The following DIDO1 variants were observed in gnomAD, a reference collection of about 807,000 sequenced individuals.
DIDO1 encodes death inducer-obliterator 1, also known as death-inducer obliterator 1.
In DIDO1, 16 loss-of-function variants were observed where a neutral mutation model predicts 99.4. The observed-to-expected ratio is 0.16, with a 90% confidence interval of 0.11 to 0.24. The LOEUF (loss-of-function observed/expected upper bound fraction) is 0.24, where lower values mean the gene tolerates loss of function less well. Among genes scored for constraint, DIDO1 ranks in the 10% least tolerant of loss-of-function variants. The pLI, the probability that DIDO1 is intolerant of heterozygous loss-of-function variation, is 1.00. For missense variants in DIDO1, 2,996 were observed against 3,014.0 expected (o/e 0.99, Z 0.14); for synonymous variants, 1,366 against 1,239.1 (o/e 1.10, Z -2.15).
At position 62,881,735 on chromosome 20, in the gene DIDO1, G is replaced by A. The variant is rs201393387; in HGVS notation, c.4221C>T (p.Arg1407=). The change falls in exon 16 of 16, where the codon CGC becomes CGT. Residue 1407 remains arginine, a synonymous_variant. Coordinates refer to ENST00000395343, the MANE Select transcript of DIDO1 (RefSeq NM_001193369.2). This position sits in a 1 kb window ranked among gnomAD's most constrained non-coding sequence, Gnocchi z 8.3. ...CTTCAGGAGCCCTTTCCACCTCGTGGCGCCGCCCTCGCTCCACAAGCTGAG... is the reference window on the plus strand; with the variant it reads ...CTTCAGGAGCCCTTTCCACCTCGTGACGCCGCCCTCGCTCCACAAGCTGAG... ...FDTQLVERGR[R]HEVERAPEAA... 111 of 1,613,006 alleles carry A rather than the reference G, an allele frequency of 6.9e-5. No homozygotes were observed. In the East Asian group the frequency reaches 1.6e-3, roughly 23 times the overall value.
At chr20:62,912,231 C>G (rs1041783605) in intron 2 of DIDO1, among the ~76,000 whole-genome samples, 1 of 152,172 alleles carries the variant, frequency 6.6e-6, no homozygotes, top group African/African-American at 2.4e-5. Flanking sequence ...TATCTGGGAC[C>G]CTCCATACCA....
At chr20:62,937,739 C>T (rs1971595963) in intron 1 of DIDO1, 2 of 397,758 alleles carry the variant, frequency 5.0e-6, no homozygotes, top group Non-Finnish European at 8.9e-6. Context: ...CACCCGGCGC[C>T]TTTCCCCCGC....
At chr20:62,913,675 A>T (rs1252197154) in intron 2 of DIDO1, among the ~76,000 whole-genome samples, 2 of 152,250 alleles carry the variant, frequency 1.3e-5, no homozygotes, top group Admixed American at 6.5e-5. Context: ...AGTTTCTAGT[A>T]AAGATGTAGT....
chr20:62,894,273 T>C lies in DIDO1; in HGVS notation c.2573-79A>G. 6.3e-7 allele frequency: 1 copy of C among 1,577,716 alleles called. No homozygotes were observed. Among genetic ancestry groups the C allele is most frequent in the Non-Finnish European group, 8.6e-7 (1 of 1,160,704 alleles). On this transcript the variant is annotated intron_variant, in intron 11 of 15. Coordinates refer to ENST00000395343, the MANE Select transcript of DIDO1 (RefSeq NM_001193369.2). The surrounding 1 kb of genome is among the most constrained non-coding windows in gnomAD (Gnocchi z 4.4). ...TCTCACACAAAGCCGAAAGCAATAC[T>C]CTAAAGGCAGGGCAGGAAATCATTC... is the stretch of plus-strand genomic sequence containing the variant.
chr20:62,884,287 C>A (rs1274355934), intron 15 of DIDO1, among the ~76,000 whole-genome samples: 1 of 152,168 alleles, frequency 6.6e-6, no homozygotes, highest in Admixed American at 6.5e-5. Flanking sequence ...CAGTAACGAC[C>A]ATCCCCACAC....
chr20:62,910,745 A>G, intron 3 of DIDO1, 29 bp downstream of exon 3: 5 of 1,590,464 alleles, frequency 3.1e-6, no homozygotes, highest in Non-Finnish European at 4.3e-6. Flanking sequence ...CAACCCTGGG[A>G]TTTCTGTGGG....
chr20:62,894,710 G>A lies in DIDO1; in HGVS notation c.2436+100C>T. The A allele has an allele frequency of 7.1e-7, 1 of 1,416,152 alleles. No homozygotes were observed. The highest frequency in any genetic ancestry group is 9.5e-7 in the Non-Finnish European group (1 of 1,048,362). 87.7% of individuals were successfully genotyped at this position (1,416,152 alleles called of 1,614,324 possible). Reference sequence around the variant, plus strand: ...AGGAATGCCACAATGACATACACCTGCTGTAAGCTCAGGTCCTGCCCAATA... The same window carrying A: ...AGGAATGCCACAATGACATACACCTACTGTAAGCTCAGGTCCTGCCCAATA... On this transcript the variant is annotated intron_variant, in intron 10 of 15. Transcript: ENST00000395343. This position sits in a 1 kb window ranked among gnomAD's most constrained non-coding sequence, Gnocchi z 4.4.
At chr20:62,910,164 C>T (rs2064897603) in intron 3 of DIDO1, 144 bp from the exon 4 acceptor site, 3 of 987,470 alleles carry the variant, frequency 3.0e-6, no homozygotes, top group African/African-American at 1.6e-5. Context: ...CATGCCTTTC[C>T]TTTGATTTTA....
intron 15 of DIDO1, chr20:62,889,356 C>G (rs1321396417): frequency 7.3e-6 from 7 of 958,078 alleles, no homozygotes; most frequent in African/African-American, 2.5e-5. Context: ...CCGGGGCTCG[C>G]TCAACACCCT....
At position 62,881,226 on chromosome 20, in the gene DIDO1, G is replaced by A. The variant is rs1388105269; in HGVS notation, c.4730C>T (p.Pro1577Leu). ...ACCACGTGCCGAGAGCCTGGAGAGA[G>A]GCTCCCCCTCCCCCTCACCGGTCTC... ...ATETGEGEGE[P>L]LSRLSARGAQ... The change falls in exon 16 of 16, where the codon CCT (proline) becomes CTT (leucine). Residue 1577 changes from proline (P) to leucine (L), a missense_variant. Physicochemically the swap from Pro to Leu is moderately conservative, Grantham distance 98 (BLOSUM62 -3). Transcript: ENST00000395343. This position sits in a 1 kb window ranked among gnomAD's most constrained non-coding sequence, Gnocchi z 8.3. 1 of 1,604,020 alleles carries A rather than the reference G, an allele frequency of 6.2e-7. No individual in the cohort carries two copies. The highest frequency in any genetic ancestry group is 1.1e-5 in the South Asian group (1 of 90,710).
chr20:62,899,576 A>G (rs377457645), intron 6 of DIDO1, among the ~76,000 whole-genome samples: 1 of 152,228 alleles, frequency 6.6e-6, no homozygotes, highest in African/African-American at 2.4e-5. Flanking sequence ...AAAACCACCC[A>G]TTACCCAAGA....
chr20:62,889,852 CTG>C (rs1568836765), intron 15 of DIDO1: 2 of 985,338 alleles, frequency 2.0e-6, no homozygotes, highest in African/African-American at 3.5e-5. Context: ...ATATTTAACC[CTG>C]AAATTACTGA....
rs1031972186 is a variant in DIDO1, at chr20:62,879,220, C to T, written c.*13G>A. 1 of 1,480,400 alleles carries T rather than the reference C, an allele frequency of 6.8e-7. No individual in the cohort carries two copies. 91.7% of individuals were successfully genotyped at this position (1,480,400 alleles called of 1,614,324 possible). A position where few individuals can be genotyped will look rare whatever the true frequency, so the allele number is the denominator to read the frequency against. ...ACGTGGCTTTAAAAAGGGTCTCTGC[C>T]CGGCCGGGGCGTCTAGGCCTGCGAG... On this transcript the variant is annotated 3_prime_UTR_variant, in exon 16 of 16. Coordinates refer to ENST00000395343, the MANE Select transcript of DIDO1 (RefSeq NM_001193369.2). The surrounding 1 kb of genome is among the most constrained non-coding windows in gnomAD (Gnocchi z 6.3).
upstream of DIDO1, among the ~76,000 whole-genome samples, chr20:62,929,695 G>GCATATATATATATATATA (rs2065308341): frequency 1.0e-5 from 1 of 97,972 alleles, no homozygotes; most frequent in Non-Finnish European, 2.0e-5. Flanking sequence ...AAGAAAAAGT[G>GCATATATATATATATATA]TATATATATA....
In DIDO1 at chr20:62,909,953, G is replaced by A. The variant is rs1257646606; in HGVS notation, c.907C>T (p.Arg303Ter). ...HGDCVGISEA[R>*]GRLLERNGED... The stretch of plus-strand genomic sequence containing the variant: ...CCATTCCTTTCCAAAAGCCTCCCTC[G>A]AGCCTCAGAAATGCCCACACAATCG... The change falls in exon 4 of 16, where the codon CGA becomes TGA. Residue 303 changes from arginine (R) to a stop codon, truncating the protein, a stop_gained. Coordinates refer to ENST00000395343, the MANE Select transcript of DIDO1 (RefSeq NM_001193369.2). LOFTEE classifies it high-confidence loss of function. 1 of 1,613,404 alleles carries A rather than the reference G, an allele frequency of 6.2e-7. No individual in the cohort carries two copies. The highest frequency in any genetic ancestry group is 8.5e-7 in the Non-Finnish European group (1 of 1,180,036).
Position 62,907,176 on chromosome 20 carries a change from T to C in DIDO1, c.1345A>G (p.Lys449Glu), listed in dbSNP as rs1004448508. 4 of 1,614,144 alleles carry C rather than the reference T, an allele frequency of 2.5e-6. No homozygotes were observed. In the African/African-American group the frequency reaches 5.3e-5, roughly 22 times the overall value. ...GCACCGCATTTCGGAAGACTGGGCT[T>C]CTCTGGCTTCATCTTCATCTTTTCT... is the stretch of plus-strand genomic sequence containing the variant. ...PKEKMKMKPE[K>E]PSLPKCGAQA... is the part of the protein sequence containing the mutation. Residue 449 changes from lysine (K) to glutamate (E), a missense_variant, in exon 5 of 16, where the codon AAG becomes GAG. Around this residue, in one of 5 missense-constraint regions of DIDO1, gnomAD observed 898 missense variants for 972.7 expected, o/e 0.92. Transcript: ENST00000395343.
intron 15 of DIDO1, 45 bp from the exon 16 acceptor site, chr20:62,882,459 C>A: frequency 6.4e-7 from 1 of 1,553,480 alleles, no homozygotes; most frequent in South Asian, 1.2e-5. Context: ...CTAAATCCAG[C>A]TTTTACCCTT....
In DIDO1 at chr20:62,881,205, C is replaced by T. The variant is rs372175100; in HGVS notation, c.4751G>A (p.Arg1584His). The T allele has an allele frequency of 4.4e-6, 7 of 1,606,110 alleles. No homozygotes were observed. The highest frequency in any genetic ancestry group is 1.3e-5 in the African/African-American group (1 of 74,878). Residue 1584 changes from arginine to histidine, a missense_variant, in exon 16 of 16, where the codon CGT becomes CAT. Physicochemically the swap from Arg to His is conservative, Grantham distance 29. Coordinates refer to ENST00000395343, the MANE Select transcript of DIDO1 (RefSeq NM_001193369.2). This position sits in a 1 kb window ranked among gnomAD's most constrained non-coding sequence, Gnocchi z 8.3. ...EGEPLSRLSA[R>H]GAQGALPERD... is the part of the protein sequence containing the mutation. Reference sequence around the variant, plus strand: ...CTCGGGCAGGGCACCCTGGGCACCACGTGCCGAGAGCCTGGAGAGAGGCTC... The same window carrying T: ...CTCGGGCAGGGCACCCTGGGCACCATGTGCCGAGAGCCTGGAGAGAGGCTC...
Position 62,881,351 on chromosome 20 carries a change from G to C in DIDO1, c.4605C>G (p.Phe1535Leu), listed in dbSNP as rs1160128085. Residue 1535 changes from phenylalanine to leucine, a missense_variant, in exon 16 of 16, where the codon TTC (phenylalanine) becomes TTG (leucine). By Grantham distance (22) the Phe-to-Leu change is conservative. Coordinates refer to ENST00000395343, the MANE Select transcript of DIDO1 (RefSeq NM_001193369.2). The surrounding 1 kb of genome is among the most constrained non-coding windows in gnomAD (Gnocchi z 8.3). ...PKSSLPKAELFQQEQQSADKP... is the reference protein window; with the variant it reads ...PKSSLPKAELLQQEQQSADKP... ...TGTCTGCAGACTGCTGCTCTTGCTG[G>C]AACAGCTCTGCCTTGGGCAAGGACG... The C allele has an allele frequency of 6.2e-7, 1 of 1,605,724 alleles. No homozygotes were observed. The highest frequency in any genetic ancestry group is 1.7e-5 in the Admixed American group (1 of 60,020).
Sources: gnomAD v4.1 joint callset for allele counts (sites outside exome capture counted in the v4.1 genomes callset) on GRCh38, gnomAD v4.1.1 for gene constraint, gnomAD v4.1.1 regional missense constraint, Gnocchi (gnomAD v3.1) non-coding constraint, MANE v1.5 for transcripts, NCBI Gene and HGNC (gene_info 2026-07-23, HGNC 2026-07-21) for gene names.